Variants in PLEKHA6 observed in about 807,000 individuals in gnomAD.
The protein encoded by PLEKHA6 is pleckstrin homology domain containing A6, also known as pleckstrin homology domain-containing family A member 6.
In PLEKHA6, 60 loss-of-function variants were observed where a neutral mutation model predicts 116.7. The ratio of observed to expected loss-of-function variants is 0.51; its 90% CI spans 0.42 to 0.64. PLEKHA6 has a LOEUF of 0.64. PLEKHA6 is among the 30% of genes least tolerant of loss of function. The probability of loss-of-function intolerance (pLI) is 0.00; values close to 1 mark genes in which losing one functional copy is unlikely to be tolerated. For missense variants in PLEKHA6, 1,338 were observed against 1,422.7 expected (o/e 0.94, Z 0.96); for synonymous variants, 489 against 556.1 (o/e 0.88, Z 1.70).
chr1:204,234,954 TTATATATATATA>T lies in PLEKHA6; in HGVS notation c.2410-4380_2410-4369del, dbSNP rs61156938. ...AAGTTAATACTTAATAAACTGCCCT[TTATATATATATA>T]TATATATATATATATATATATATAT... is the stretch of plus-strand genomic sequence containing the variant. On this transcript the variant is annotated intron_variant, in intron 17 of 22. Transcript: ENST00000272203. 7.9e-3 allele frequency among the ~76,000 whole-genome samples: 145 copies of T among 18,454 alleles called. 1 individual carries two copies. Among genetic ancestry groups the T allele is most frequent in the South Asian group, 0.011 (4 of 348 alleles). 12.1% of individuals were successfully genotyped at this position (18,454 alleles called of 152,430 possible).
intron 1 of PLEKHA6, among the ~76,000 whole-genome samples, chr1:204,291,174 G>T (rs1669716977): frequency 1.3e-5 from 2 of 152,084 alleles, no homozygotes; most frequent in African/African-American, 4.8e-5. Flanking sequence ...TACATGAAAA[G>T]AAAACATCAT....
intron 3 of PLEKHA6, among the ~76,000 whole-genome samples, chr1:204,367,492 CT>C (rs1486568710): frequency 1.3e-5 from 2 of 152,286 alleles, no homozygotes; most frequent in Middle Eastern, 3.4e-3. Context: ...CTAGAACAGC[CT>C]CGTTCCTCTA....
chr1:204,371,088 C>G (rs1189487385), intron 2 of PLEKHA6, among the ~76,000 whole-genome samples: 1 of 148,240 alleles, frequency 6.7e-6, no homozygotes, highest in Non-Finnish European at 1.5e-5. Flanking sequence ...TTCAGGGCCT[C>G]AGTGATGCTT....
intron 9 of PLEKHA6, among the ~76,000 whole-genome samples, chr1:204,256,097 G>C (rs1293156258): frequency 6.6e-6 from 1 of 152,204 alleles, no homozygotes; most frequent in Admixed American, 6.5e-5. Context: ...ATCAGACAGA[G>C]AGGGGAAGGA....
chr1:204,371,227 C>T (rs1673768764), intron 2 of PLEKHA6, among the ~76,000 whole-genome samples: 1 of 152,130 alleles, frequency 6.6e-6, no homozygotes, highest in African/African-American at 2.4e-5. Flanking sequence ...TCTGCCAGTT[C>T]AAGAGCCCTT....
intron 1 of PLEKHA6, among the ~76,000 whole-genome samples, chr1:204,376,685 G>C (rs888107662): frequency 6.6e-6 from 1 of 152,138 alleles, no homozygotes; most frequent in South Asian, 2.1e-4. Flanking sequence ...CTCTTAGACC[G>C]GTACTTCAAT....
chr1:204,347,186 C>T, intron 1 of PLEKHA6: 3 of 1,144,052 alleles, frequency 2.6e-6, no homozygotes, highest in Non-Finnish European at 3.9e-6. Context: ...GCCAAAGGAA[C>T]AACTCCATGT....
intron 9 of PLEKHA6, among the ~76,000 whole-genome samples, chr1:204,255,216 T>C (rs192946115): frequency 6.6e-6 from 1 of 152,204 alleles, no homozygotes; most frequent in Non-Finnish European, 1.5e-5. Context: ...ACCTGTAAAA[T>C]ATGATAAGAT....
At chr1:204,371,161 A>G (rs1673767529) in intron 2 of PLEKHA6, among the ~76,000 whole-genome samples, 1 of 152,130 alleles carries the variant, frequency 6.6e-6, no homozygotes, top group East Asian at 1.9e-4. Context: ...CAGAGCAGAT[A>G]GAGAACCCTT....
At chr1:204,297,143 CACTA>C (rs1186528317) in intron 1 of PLEKHA6, 10 of 981,472 alleles carry the variant, frequency 1.0e-5, no homozygotes, top group African/African-American at 3.5e-5. Flanking sequence ...TGGAGAAAGT[CACTA>C]ACTAACATAT....
intron 1 of PLEKHA6, among the ~76,000 whole-genome samples, chr1:204,329,042 T>G (rs1222402015): frequency 6.6e-6 from 1 of 152,242 alleles, no homozygotes; most frequent in Admixed American, 6.5e-5. Context: ...GTGTATGTTT[T>G]GTAGACTGTA....
intron 1 of PLEKHA6, chr1:204,307,796 G>A (rs1671448377): frequency 3.5e-6 from 3 of 866,758 alleles, no homozygotes; most frequent in Non-Finnish European, 2.8e-6. Context: ...TGCAGGCACT[G>A]GGAGAGAGCC....
chr1:204,346,865 G>T lies in PLEKHA6; in HGVS notation c.-95+12829C>A, dbSNP rs147883230. On this transcript the variant is annotated intron_variant, in intron 1 of 22. Coordinates refer to ENST00000272203, the MANE Select transcript of PLEKHA6 (RefSeq NM_014935.5). ...AAGTGTGCTTCTCTGGGTGGAGCAG[G>T]CTGGCGCTTTAGTTGAATCCAGGTA... The T allele has an allele frequency of 1.8e-3, 2,476 of 1,339,372 alleles. 25 individuals are homozygous for T. In the African/African-American group the frequency reaches 0.025, roughly 14 times the overall value. The allele number at this position is 1,339,372 out of a possible 1,614,324, so 83.0% of individuals were successfully genotyped here.
chr1:204,276,650 A>T (rs1668042547), intron 1 of PLEKHA6, among the ~76,000 whole-genome samples: 1 of 150,408 alleles, frequency 6.6e-6, no homozygotes, highest in East Asian at 1.9e-4. Context: ...ACACACACAC[A>T]CACACACACA....
At chr1:204,245,042 G>T in intron 14 of PLEKHA6, 39 bp from the exon 15 acceptor site, 2 of 1,378,692 alleles carry the variant, frequency 1.5e-6, no homozygotes, top group Non-Finnish European at 1.9e-6. Context: ...AATGGAGGAG[G>T]GGTGCGGCCT....
At chr1:204,230,332 G>GC in intron 18 of PLEKHA6, 81 bp downstream of exon 18, 1 of 1,192,542 alleles carries the variant, frequency 8.4e-7, no homozygotes, top group South Asian at 1.6e-5. Flanking sequence ...AACCCCCCAG[G>GC]CCCAAGCTGG....
intron 1 of PLEKHA6, among the ~76,000 whole-genome samples, chr1:204,312,886 CTTTTTTTT>C (rs1671711572): frequency 7.0e-6 from 1 of 143,066 alleles, no homozygotes; most frequent in African/African-American, 2.7e-5. Context: ...CTTTTCTTTT[CTTTTTTTT>C]CTTTTCCTTT....
At chr1:204,291,490 C>A (rs1032325145) in intron 1 of PLEKHA6, among the ~76,000 whole-genome samples, 1 of 152,188 alleles carries the variant, frequency 6.6e-6, no homozygotes, top group Non-Finnish European at 1.5e-5. Flanking sequence ...TTCACAGCAG[C>A]CTTATTTGTG....
In PLEKHA6 at chr1:204,245,648, G is replaced by A; in HGVS notation, c.1999C>T (p.Pro667Ser). The A allele has an allele frequency of 6.2e-7, 1 of 1,613,394 alleles. No individual in the cohort carries two copies. Among genetic ancestry groups the A allele is most frequent in the Non-Finnish European group, 8.5e-7 (1 of 1,179,524 alleles). The change falls in exon 14 of 23, where the codon CCC becomes TCC. Residue 667 changes from proline (P) to serine (S), a missense_variant. This residue lies in a region of PLEKHA6 where 1,136 missense variants were observed against 1,163.6 expected (regional missense o/e 0.98). Transcript: ENST00000272203. ...TTGGCGGTGTCCGTGCCCCGGGAGG[G>A]GTTGTTCTTCCTCAGCCCCTCCATC... ...DVMEGLRKNN[P>S]SRGTDTAKHR... is the part of the protein sequence containing the mutation.
Sources: allele counts gnomAD v4.1 joint callset (sites outside exome capture counted in the v4.1 genomes callset), GRCh38; gene constraint gnomAD v4.1.1; regional missense constraint gnomAD v4.1.1; transcripts MANE v1.5; gene names NCBI Gene and HGNC (gene_info 2026-07-23, HGNC 2026-07-21).